CHN1: variants seen among roughly 807,000 people sequenced by gnomAD.
The protein encoded by CHN1 is N-chimaerin.
Under a neutral mutation model 59.5 loss-of-function variants are expected in CHN1, and 37 were observed. The ratio of observed to expected loss-of-function variants is 0.62; its 90% confidence interval spans 0.48 to 0.82. The LOEUF (loss-of-function observed/expected upper bound fraction) is 0.82. Among genes scored for constraint, CHN1 ranks in the 40% least tolerant of loss-of-function variants. CHN1 has a pLI of 0.00. For synonymous variants in CHN1, 206 were observed against 200.4 expected, an observed-to-expected ratio of 1.03 and a Z score of -0.24; for missense variants, 469 against 571.0, an observed-to-expected ratio of 0.82 and a Z score of 1.82.
At chr2:175,003,839 G>C (rs1191039606) in intron 1 of CHN1, among the ~76,000 whole-genome samples, 1 of 152,260 alleles carries the variant, frequency 6.6e-6, no homozygotes, top group Non-Finnish European at 1.5e-5. Context: ...CTGGGTCTAA[G>C]TTTAATTTAT....
At chr2:174,907,616 T>G (rs1688577701) in intron 5 of CHN1, among the ~76,000 whole-genome samples, 1 of 149,668 alleles carries the variant, frequency 6.7e-6, no homozygotes, top group Non-Finnish European at 1.5e-5. Context: ...TCTTTTGGTT[T>G]TTTTTTTTTT....
At chr2:174,994,147 T>A (rs908854115) in intron 1 of CHN1, among the ~76,000 whole-genome samples, 1 of 152,226 alleles carries the variant, frequency 6.6e-6, no homozygotes, top group Non-Finnish European at 1.5e-5. Context: ...GAATTTGTTA[T>A]CTAATTATGC....
At chr2:174,982,990 G>C (rs925283513) in intron 1 of CHN1, among the ~76,000 whole-genome samples, 10 of 151,930 alleles carry the variant, frequency 6.6e-5, no homozygotes, top group Middle Eastern at 3.4e-3. Context: ...CACTACCAAA[G>C]AGAAAAAAGA....
chr2:174,847,968 C>T (rs1244221518), intron 6 of CHN1, among the ~76,000 whole-genome samples: 1 of 151,996 alleles, frequency 6.6e-6, no homozygotes, highest in Admixed American at 6.6e-5. Context: ...GTATCCTTTG[C>T]TCATTATGGA....
intron 1 of CHN1, among the ~76,000 whole-genome samples, chr2:174,961,924 G>C (rs2105426790): frequency 1.3e-5 from 2 of 152,280 alleles, no homozygotes; most frequent in Middle Eastern, 6.8e-3. Flanking sequence ...ACCATGCTTT[G>C]AGAATGAGTA....
At chr2:174,866,531 G>T (rs1384994947) in intron 6 of CHN1, among the ~76,000 whole-genome samples, 2 of 152,228 alleles carry the variant, frequency 1.3e-5, no homozygotes, top group East Asian at 3.9e-4. Flanking sequence ...ATTTTGTGGG[G>T]GTTTTTTCTG....
intron 6 of CHN1, among the ~76,000 whole-genome samples, chr2:174,860,649 A>G (rs1410163885): frequency 6.6e-6 from 1 of 152,230 alleles, no homozygotes; most frequent in African/African-American, 2.4e-5. Context: ...AATATTAAAT[A>G]CATATTTAAT....
intron 3 of CHN1, 135 bp from the exon 4 acceptor site, chr2:174,918,700 T>C (rs2105373924): frequency 1.6e-6 from 1 of 641,954 alleles, no homozygotes; most frequent in Non-Finnish European, 2.5e-6. Flanking sequence ...GGAGTCCCAG[T>C]TCTACCAGCA....
intron 6 of CHN1, among the ~76,000 whole-genome samples, chr2:174,863,280 C>G (rs982584553): frequency 6.6e-6 from 1 of 152,006 alleles, no homozygotes; most frequent in Non-Finnish European, 1.5e-5. Context: ...TTCAATAGAC[C>G]AATGGGTTTC....
At chr2:174,938,107 T>A (rs1212777723) in intron 3 of CHN1, among the ~76,000 whole-genome samples, 1 of 151,990 alleles carries the variant, frequency 6.6e-6, no homozygotes, top group Non-Finnish European at 1.5e-5. Flanking sequence ...ACCTCCCAAG[T>A]AGCTGGAATT....
chr2:174,800,450 A>C (rs1684684524), intron 12 of CHN1, among the ~76,000 whole-genome samples, 163 bp from the exon 13 acceptor site: 1 of 152,208 alleles, frequency 6.6e-6, no homozygotes, highest in African/African-American at 2.4e-5. Flanking sequence ...ACTTTCCTTA[A>C]AGTAAATTAT....
intron 6 of CHN1, among the ~76,000 whole-genome samples, chr2:174,850,468 A>G (rs367945327): frequency 1.2e-4 from 19 of 152,286 alleles, no homozygotes; most frequent in African/African-American, 4.6e-4. Flanking sequence ...TACCTCATCT[A>G]CATAATATGA....
rs565095520 is a variant in CHN1, at chr2:174,986,975, G to A, written c.19+17919C>T. On this transcript the variant is annotated intron_variant, in intron 1 of 12. Transcript: ENST00000409900. ...ATGGCCTCCATCTCCTGACCTCATG[G>A]TCTGCCTGCCTTGGCCTCCCAAAGT... Among the ~76,000 whole-genome samples, 5 of 152,076 alleles carry A rather than the reference G, an allele frequency of 3.3e-5. No homozygotes were observed. In the East Asian group the frequency reaches 9.7e-4, roughly 29 times the overall value.
chr2:174,953,857 A>C (rs891192049), intron 1 of CHN1, among the ~76,000 whole-genome samples: 1 of 152,194 alleles, frequency 6.6e-6, no homozygotes, highest in Admixed American at 6.5e-5. Flanking sequence ...TGTGAAAATG[A>C]CCATACTACC....
At chr2:174,878,807 T>C (rs1377427709) in intron 5 of CHN1, among the ~76,000 whole-genome samples, 2 of 152,276 alleles carry the variant, frequency 1.3e-5, no homozygotes, top group African/African-American at 2.4e-5. Context: ...TCATAAGCTA[T>C]TGGACTATAG....
At position 174,823,379 on chromosome 2, in the gene CHN1, T is replaced by C. The variant is rs146327415; in HGVS notation, c.712+1055A>G. Among the ~76,000 whole-genome samples, 109 of 152,286 alleles carry C rather than the reference T, an allele frequency of 7.2e-4. 1 individual carries two copies. In the East Asian group the frequency reaches 0.02, roughly 28 times the overall value. Reference sequence around the variant, plus strand: ...AGCCTATGTCAGAATTTAGAGTAGTTTGGGCTGGGTGCGGTGGCTCACGCC... The same window carrying C: ...AGCCTATGTCAGAATTTAGAGTAGTCTGGGCTGGGTGCGGTGGCTCACGCC... On this transcript the variant is annotated intron_variant, in intron 8 of 12. Transcript: ENST00000409900.
chr2:174,853,460 G>A (rs1010034001), intron 6 of CHN1, among the ~76,000 whole-genome samples: 1 of 152,178 alleles, frequency 6.6e-6, no homozygotes, highest in African/African-American at 2.4e-5. Flanking sequence ...ATGCTGATGA[G>A]GCTGTGGAGA....
chr2:174,862,400 T>G (rs1421301109), intron 6 of CHN1, among the ~76,000 whole-genome samples: 1 of 152,004 alleles, frequency 6.6e-6, no homozygotes, highest in Non-Finnish European at 1.5e-5. Flanking sequence ...TGGCGCAATC[T>G]TGGCTCACTG....
rs1478983596 is a variant in CHN1 at position 174,800,023 on chromosome 2, A to C, written c.*93T>G. On this transcript the variant is annotated 3_prime_UTR_variant, in exon 13 of 13. Transcript: ENST00000409900. ...AATCTGGTTATATGCCCAAACCTCT[A>C]ATCAAGAAATAATGCAGCTACAGGA... 8.3e-7 allele frequency: 1 copy of C among 1,207,472 alleles called. No homozygotes were observed. Among genetic ancestry groups the C allele is most frequent in the Admixed American group, 2.0e-5 (1 of 50,606 alleles). The allele number at this position is 1,207,472 out of a possible 1,614,324, so 74.8% of individuals were successfully genotyped here. A position where few individuals can be genotyped will look rare whatever the true frequency, so the allele number is the denominator to read the frequency against.
Sources: allele counts gnomAD v4.1 joint callset (sites outside exome capture counted in the v4.1 genomes callset), GRCh38; gene constraint gnomAD v4.1.1; transcripts MANE v1.5; gene names NCBI Gene and HGNC (gene_info 2026-07-23, HGNC 2026-07-21).